The following PPP4R1 variants were observed in gnomAD, a reference collection of about 807,000 sequenced individuals.
The protein encoded by PPP4R1 is protein phosphatase 4 regulatory subunit 1, also known as serine/threonine-protein phosphatase 4 regulatory subunit 1.
In PPP4R1, 42 loss-of-function variants were observed where a neutral mutation model predicts 111.2. The observed-to-expected ratio is 0.38, with a 90% CI of 0.29 to 0.49. The LOEUF (loss-of-function observed/expected upper bound fraction) is 0.49, where lower values mean the gene tolerates loss of function less well. PPP4R1 is among the 20% of genes least tolerant of loss of function. The probability of loss-of-function intolerance (pLI) is 0.97; values close to 1 mark genes in which losing one functional copy is unlikely to be tolerated. For synonymous variants in PPP4R1, 409 were observed against 405.5 expected (o/e 1.01, Z -0.10); for missense variants, 1,012 against 1,161.6 (o/e 0.87, Z 1.87).
chr18:9,547,682 A>T lies in PPP4R1; in HGVS notation c.*107T>A. ...GCACCTGCAATGAAGTCCGCAGGAG[A>T]GGAAGGTCTCTCCTCCCCCGAAAGC... On this transcript the variant is annotated 3_prime_UTR_variant, in exon 20 of 20. Coordinates refer to ENST00000400556, the MANE Select transcript of PPP4R1 (RefSeq NM_001042388.3). 1 of 1,372,604 alleles carries T rather than the reference A, an allele frequency of 7.3e-7. No individual in the cohort carries two copies. Among genetic ancestry groups the T allele is most frequent in the Non-Finnish European group, 1.0e-6 (1 of 990,824 alleles). 85.0% of individuals were successfully genotyped at this position (1,372,604 alleles called of 1,614,324 possible).
intron 2 of PPP4R1, among the ~76,000 whole-genome samples, chr18:9,600,055 G>T (rs1161630026): frequency 6.6e-6 from 1 of 151,990 alleles, no homozygotes; most frequent in Admixed American, 6.5e-5. Context: ...TACTTAAGAA[G>T]CCTACTCCTA....
At chr18:9,598,799 T>C (rs56292977) in intron 2 of PPP4R1, among the ~76,000 whole-genome samples, 4,748 of 152,192 alleles carry the variant, frequency 0.031, 81 homozygotes, top group Middle Eastern at 0.038. Context: ...CCGAGGCGGA[T>C]GGATCACTTG....
chr18:9,559,644 G>T, intron 13 of PPP4R1, 40 bp from the exon 14 acceptor site: 1 of 1,451,970 alleles, frequency 6.9e-7, no homozygotes, highest in African/African-American at 1.4e-5. Context: ...GAGCAGCTGA[G>T]ATGCATTTTG....
At chr18:9,549,145 C>T in intron 19 of PPP4R1, 52 bp downstream of exon 19, 3 of 1,585,976 alleles carry the variant, frequency 1.9e-6, no homozygotes, top group Non-Finnish European at 2.6e-6. Flanking sequence ...CAGTGCAGTC[C>T]ACAGACCTCC....
intron 16 of PPP4R1, 157 bp from the exon 17 acceptor site, chr18:9,550,555 C>A: frequency 1.3e-6 from 1 of 766,156 alleles, no homozygotes; most frequent in Non-Finnish European, 2.1e-6. Flanking sequence ...TGTACAGTTA[C>A]CTCCAGTCTC....
At chr18:9,609,098 G>A (rs1401076987) in intron 2 of PPP4R1, among the ~76,000 whole-genome samples, 1 of 152,198 alleles carries the variant, frequency 6.6e-6, no homozygotes, top group Non-Finnish European at 1.5e-5. Context: ...GTTGTTAGCA[G>A]AGGTATCATT....
intron 15 of PPP4R1, among the ~76,000 whole-genome samples, chr18:9,554,127 ATTTT>A (rs529919666): frequency 1.4e-5 from 2 of 141,118 alleles, no homozygotes. Context: ...CAAACAACTA[ATTTT>A]TTTTTTTTTT....
chr18:9,577,037 A>C (rs1161028103), intron 10 of PPP4R1, 27 bp downstream of exon 10: 1 of 1,487,406 alleles, frequency 6.7e-7, no homozygotes, highest in Non-Finnish European at 9.1e-7. Flanking sequence ...AAGGTTTTAA[A>C]ATTAGAAAAT....
chr18:9,547,510 C>T lies in PPP4R1; in HGVS notation c.*279G>A. On this transcript the variant is annotated 3_prime_UTR_variant, in exon 20 of 20. Coordinates refer to ENST00000400556, the MANE Select transcript of PPP4R1 (RefSeq NM_001042388.3). ...ATGCTCTGCCAATTCAAGTTTCATT[C>T]AGTCAGGAAGACAGAAGGATTTAAG... 3.5e-6 allele frequency: 1 copy of T among 286,846 alleles called. No individual in the cohort carries two copies. The highest frequency in any genetic ancestry group is 6.6e-6 in the Non-Finnish European group (1 of 152,578). The allele number at this position is 286,846 out of a possible 1,614,324, so 17.8% of individuals were successfully genotyped here.
At chr18:9,584,394 C>A in intron 8 of PPP4R1, 121 bp downstream of exon 8, 2 of 803,058 alleles carry the variant, frequency 2.5e-6, no homozygotes, top group South Asian at 3.4e-5. Context: ...TCAAAATTAT[C>A]TTTCTGGTTT....
At chr18:9,616,958 G>A (rs901615324), upstream of PPP4R1, among the ~76,000 whole-genome samples, 6 of 152,060 alleles carry the variant, frequency 3.9e-5, no homozygotes, top group Admixed American at 6.5e-5. Flanking sequence ...TTTCAGTGAC[G>A]GTATCATTCA....
chr18:9,580,032 T>C (rs144082539), intron 9 of PPP4R1, among the ~76,000 whole-genome samples: 132 of 152,226 alleles, frequency 8.7e-4, no homozygotes, highest in Middle Eastern at 3.4e-3. Flanking sequence ...ACAAAGAAAA[T>C]TGAGTAAGCT....
chr18:9,577,196 G>A lies in PPP4R1; in HGVS notation c.919-5C>T, dbSNP rs1216997708. 9 of 1,599,058 alleles carry A rather than the reference G, an allele frequency of 5.6e-6. No homozygotes were observed. The highest frequency in any genetic ancestry group is 7.7e-6 in the Non-Finnish European group (9 of 1,175,020). On this transcript the variant is annotated splice_region_variant and splice_polypyrimidine_tract_variant and intron_variant, in intron 9 of 19. Coordinates refer to ENST00000400556, the MANE Select transcript of PPP4R1 (RefSeq NM_001042388.3). ...CTGAAAAGCTGCTTGGCGAACCTAG[G>A]AAGATAAAAAGGACAATAATAAAGG...
chr18:9,562,955 C>T (rs989695214), intron 12 of PPP4R1: 2 of 996,022 alleles, frequency 2.0e-6, no homozygotes, highest in African/African-American at 1.7e-5. Flanking sequence ...ATGTCACTGG[C>T]CCTCCGCAAC....
At chr18:9,564,835 T>C (rs1184092419) in intron 11 of PPP4R1, among the ~76,000 whole-genome samples, 2 of 151,830 alleles carry the variant, frequency 1.3e-5, no homozygotes, top group Non-Finnish European at 2.9e-5. Context: ...TTTTTTTTTT[T>C]TCTTTAAAGA....
chr18:9,612,601 G>C (rs2067600772), intron 2 of PPP4R1: 1 of 152,178 alleles, frequency 6.6e-6, no homozygotes, highest in African/African-American at 2.4e-5. Flanking sequence ...ATAAATACTT[G>C]CTGAATAAAT....
chr18:9,554,777 A>G (rs2066544303), intron 15 of PPP4R1, among the ~76,000 whole-genome samples: 1 of 152,260 alleles, frequency 6.6e-6, no homozygotes, highest in Non-Finnish European at 1.5e-5. Flanking sequence ...GAAAGTTGAA[A>G]CTGAAAGTAT....
intron 2 of PPP4R1, among the ~76,000 whole-genome samples, chr18:9,598,888 T>C (rs1413974151): frequency 6.6e-6 from 1 of 151,986 alleles, no homozygotes; most frequent in Non-Finnish European, 1.5e-5. Context: ...TAGCTGGGCA[T>C]GGTGGCGTGC....
chr18:9,613,043 T>C (rs893402692), intron 2 of PPP4R1, among the ~76,000 whole-genome samples: 4 of 152,232 alleles, frequency 2.6e-5, no homozygotes, highest in African/African-American at 9.6e-5. Flanking sequence ...CTACAGAGTA[T>C]TTAAAAGAGT....
Sources: allele counts gnomAD v4.1 joint callset (sites outside exome capture counted in the v4.1 genomes callset), GRCh38; gene constraint gnomAD v4.1.1; transcripts MANE v1.5; gene names NCBI Gene and HGNC (gene_info 2026-07-23, HGNC 2026-07-21).